ARL8B: variants seen among roughly 807,000 people sequenced by gnomAD.
The protein encoded by ARL8B is ADP-ribosylation factor-like protein 8B.
In ARL8B, 9 loss-of-function variants were observed where a neutral mutation model predicts 30.6. That is an observed-to-expected ratio of 0.29 (90% CI 0.18 to 0.51). ARL8B has a LOEUF of 0.51. Ranked by LOEUF, ARL8B falls within the 20% of genes least tolerant of loss-of-function variation. The probability of loss-of-function intolerance (pLI) is 0.97; values close to 1 mark genes in which losing one functional copy is unlikely to be tolerated. For missense variants in ARL8B, 130 were observed against 227.2 expected (o/e 0.57, Z 2.75); for synonymous variants, 74 against 76.0 (o/e 0.97, Z 0.14).
intron 1 of ARL8B, among the ~76,000 whole-genome samples, chr3:5,167,442 CAT>C (rs1166597850): frequency 6.6e-6 from 1 of 152,106 alleles, no homozygotes; most frequent in Non-Finnish European, 1.5e-5. Context: ...TTGGGAAAAA[CAT>C]AGTGTACATA....
At chr3:5,132,972 G>A (rs1226827501) in intron 1 of ARL8B, among the ~76,000 whole-genome samples, 1 of 152,120 alleles carries the variant, frequency 6.6e-6, no homozygotes, top group Non-Finnish European at 1.5e-5. Context: ...CTTTTGAGCT[G>A]GGTTATAAGA....
intron 1 of ARL8B, among the ~76,000 whole-genome samples, chr3:5,128,269 T>A (rs576989159): frequency 1.1e-4 from 16 of 151,350 alleles, no homozygotes; most frequent in African/African-American, 3.9e-4. Context: ...TTAAAGAAAA[T>A]GGGCTGTGGT....
At chr3:5,175,148 CT>C (rs1453836678) in intron 6 of ARL8B, among the ~76,000 whole-genome samples, 1 of 152,030 alleles carries the variant, frequency 6.6e-6, no homozygotes, top group Non-Finnish European at 1.5e-5. Context: ...GGAAATTGCA[CT>C]TTTAAGCGAA....
At chr3:5,156,183 G>A (rs187021124) in intron 1 of ARL8B, among the ~76,000 whole-genome samples, 221 of 151,708 alleles carry the variant, frequency 1.5e-3, no homozygotes, top group African/African-American at 5.0e-3. Context: ...GATTATAGGC[G>A]TCAGCCCCCG....
chr3:5,140,321 T>G (rs1416755030), intron 1 of ARL8B, among the ~76,000 whole-genome samples: 3 of 152,142 alleles, frequency 2.0e-5, no homozygotes, highest in Non-Finnish European at 4.4e-5. Flanking sequence ...AGTGAATAAG[T>G]CTCACAAGAT....
At chr3:5,177,693 T>G (rs922039160) in intron 6 of ARL8B, among the ~76,000 whole-genome samples, 1 of 152,130 alleles carries the variant, frequency 6.6e-6, no homozygotes, top group Non-Finnish European at 1.5e-5. Flanking sequence ...TGACCTCAGG[T>G]GATCACCTGC....
At chr3:5,146,754 G>C (rs1404925693) in intron 1 of ARL8B, among the ~76,000 whole-genome samples, 1 of 152,072 alleles carries the variant, frequency 6.6e-6, no homozygotes, top group African/African-American at 2.4e-5. Flanking sequence ...GTTCGTTCTG[G>C]TCCCAATCTA....
At chr3:5,144,305 T>C (rs1249402730) in intron 1 of ARL8B, among the ~76,000 whole-genome samples, 1 of 152,262 alleles carries the variant, frequency 6.6e-6, no homozygotes, top group Admixed American at 6.5e-5. Flanking sequence ...TGGGCATTTC[T>C]GTGAAATTTA....
At chr3:5,130,528 G>A (rs1454786594) in intron 1 of ARL8B, among the ~76,000 whole-genome samples, 1 of 151,346 alleles carries the variant, frequency 6.6e-6, no homozygotes, top group East Asian at 1.9e-4. Flanking sequence ...GCTTGTGTGT[G>A]TGTGTGTTTT....
intron 1 of ARL8B, among the ~76,000 whole-genome samples, chr3:5,168,021 A>G (rs1375807897): frequency 6.6e-6 from 1 of 152,214 alleles, no homozygotes; most frequent in Non-Finnish European, 1.5e-5. Flanking sequence ...TAAGCACTTT[A>G]TTGGCAGAAG....
intron 1 of ARL8B, among the ~76,000 whole-genome samples, chr3:5,133,223 A>AT (rs35393423): frequency 0.39 from 58,645 of 151,988 alleles, 12,059 homozygotes; most frequent in African/African-American, 0.55. Flanking sequence ...GGAAAAGTAG[A>AT]TCAGTCAGCT....
intron 1 of ARL8B, among the ~76,000 whole-genome samples, chr3:5,132,071 T>C (rs535473472): frequency 1.5e-4 from 23 of 152,270 alleles, no homozygotes; most frequent in Middle Eastern, 3.4e-3. Flanking sequence ...TGTTTTTTTG[T>C]AGAGGTGGAA....
rs549544739 is a variant in ARL8B at position 5,170,444 on chromosome 3, A to C, written c.124-59A>C. 547 of 1,133,486 alleles carry C rather than the reference A, an allele frequency of 4.8e-4. 15 individuals carry two copies. In the South Asian group the frequency reaches 7.3e-3, roughly 15 times the overall value. 70.2% of individuals were successfully genotyped at this position (1,133,486 alleles called of 1,614,324 possible). On this transcript the variant is annotated intron_variant, in intron 1 of 6. Coordinates refer to ENST00000256496, the MANE Select transcript of ARL8B (RefSeq NM_018184.3). ...TTACAAATGCAATGTTGATATTAGA[A>C]GTTTATGCAGTGTCATTATAAGTGA...
At chr3:5,150,115 C>T (rs190067244) in intron 1 of ARL8B, among the ~76,000 whole-genome samples, 128 of 152,168 alleles carry the variant, frequency 8.4e-4, no homozygotes, top group African/African-American at 2.8e-3. Flanking sequence ...TGGAAGTGTT[C>T]GTGCCTCTTC....
chr3:5,170,353 T>C (rs1160486911), intron 1 of ARL8B, 150 bp from the exon 2 acceptor site: 12 of 433,308 alleles, frequency 2.8e-5, no homozygotes, highest in African/African-American at 2.0e-5. Context: ...TCAAGAATTA[T>C]GGCCATAAGG....
chr3:5,122,601 C>A lies in ARL8B; in HGVS notation c.123+13C>A, dbSNP rs1218902824. 5.7e-6 allele frequency: 9 copies of A among 1,592,906 alleles called. No individual in the cohort carries two copies. The Admixed American group carries it at 1.4e-4, about 24-fold the overall frequency. ...CAATGTCATCGCGGTGAGCGCCCGC[C>A]CACTCACTCGCCCGGGGCTCCGCAG... On this transcript the variant is annotated intron_variant, in intron 1 of 6. Transcript: ENST00000256496.
At position 5,127,637 on chromosome 3, in the gene ARL8B, A is replaced by C. The variant is rs796787360; in HGVS notation, c.123+5049A>C. 2.6e-5 allele frequency among the ~76,000 whole-genome samples: 4 copies of C among 152,260 alleles called. No individual in the cohort carries two copies. The East Asian group carries it at 5.8e-4, about 22-fold the overall frequency. On this transcript the variant is annotated intron_variant, in intron 1 of 6. Coordinates refer to ENST00000256496, the MANE Select transcript of ARL8B (RefSeq NM_018184.3). Reference sequence around the variant, plus strand: ...ACAGGCATTACTGAGTTGTTGAACTACTTTTAGTATCTTTAAAAAGCAGAG... The same window carrying C: ...ACAGGCATTACTGAGTTGTTGAACTCCTTTTAGTATCTTTAAAAAGCAGAG...
intron 1 of ARL8B, among the ~76,000 whole-genome samples, chr3:5,124,256 A>AGTT (rs2054209554): frequency 9.5e-6 from 1 of 105,698 alleles, no homozygotes; most frequent in Non-Finnish European, 1.8e-5. Context: ...AATACCACTA[A>AGTT]TTTTTTTTTT....
At chr3:5,173,432 C>A (rs2054695391) in intron 4 of ARL8B, among the ~76,000 whole-genome samples, 1 of 152,128 alleles carries the variant, frequency 6.6e-6, no homozygotes, top group Non-Finnish European at 1.5e-5. Context: ...GATAGTAAAC[C>A]TGTACTAAGA....
Sources: allele counts gnomAD v4.1 joint callset (sites outside exome capture counted in the v4.1 genomes callset), GRCh38; gene constraint gnomAD v4.1.1; transcripts MANE v1.5; gene names NCBI Gene and HGNC (gene_info 2026-07-23, HGNC 2026-07-21).